The following PXYLP1 variants were observed in gnomAD, a reference collection of about 807,000 sequenced individuals.
PXYLP1 encodes acid phosphatase-like 2.
Under a neutral mutation model 37.9 loss-of-function variants are expected in PXYLP1, and 17 were observed. The ratio of observed to expected loss-of-function variants is 0.45; its 90% CI spans 0.31 to 0.67. The LOEUF is 0.67. PXYLP1 is among the 30% of genes least tolerant of loss of function. The pLI, the probability that PXYLP1 is intolerant of heterozygous loss-of-function variation, is 0.07. For missense variants in PXYLP1, 511 were observed against 612.0 expected (o/e 0.84, Z 1.74); for synonymous variants, 221 against 232.2 (o/e 0.95, Z 0.44).
At chr3:141,279,261 C>G in intron 3 of PXYLP1, 117 bp from the exon 4 acceptor site, 1 of 1,368,994 alleles carries the variant, frequency 7.3e-7, no homozygotes, top group South Asian at 1.4e-5. Context: ...ACGGTGGCCC[C>G]TGCTGCCTCC....
In PXYLP1 at chr3:141,294,799, T is replaced by G. The variant is rs2148855460; in HGVS notation, c.*1594T>G. On this transcript the variant is annotated 3_prime_UTR_variant, in exon 6 of 6. Coordinates refer to ENST00000286353, the MANE Select transcript of PXYLP1 (RefSeq NM_001037172.3). ...TAACTGCTGAAAGTTGTGTTATCTC[T>G]CAAGTATTCAAAGACTAAATGTGTT... 1 of 152,356 alleles carries G rather than the reference T, an allele frequency of 6.6e-6. No individual in the cohort carries two copies. The highest frequency in any genetic ancestry group is 2.1e-4 in the South Asian group (1 of 4,828). The allele number at this position is 152,356 out of a possible 1,614,324, so 9.4% of individuals were successfully genotyped here.
chr3:141,270,966 C>T (rs1329655712), intron 2 of PXYLP1, among the ~76,000 whole-genome samples: 2 of 152,196 alleles, frequency 1.3e-5, no homozygotes, highest in African/African-American at 2.4e-5. Flanking sequence ...TCAGGGCTCA[C>T]TGCAGCCCCG....
intron 2 of PXYLP1, among the ~76,000 whole-genome samples, chr3:141,277,870 T>C (rs181464517): frequency 8.0e-4 from 122 of 152,212 alleles, no homozygotes; most frequent in Non-Finnish European, 1.6e-3. Context: ...AGTGCTCTCA[T>C]GGGTTAGATG....
rs547821847 is a variant in PXYLP1 at position 141,237,047 on chromosome 3, G to A, written c.-54+5136G>A. ...ATCTCATTTGATTCAATAAGCCTGC[G>A]ATCTGCTTAGAGATGGGGAGATGGG... On this transcript the variant is annotated intron_variant, in intron 1 of 5. Transcript: ENST00000286353. Among the ~76,000 whole-genome samples, 48 of 152,220 alleles carry A rather than the reference G, an allele frequency of 3.2e-4. 1 individual carries two copies. Among genetic ancestry groups the A allele is most frequent in the Non-Finnish European group, 2.8e-4 (19 of 67,996 alleles).
Position 141,292,351 on chromosome 3 carries a change from G to T in PXYLP1, c.589G>T (p.Ala197Ser), listed in dbSNP as rs376085639. 5 of 1,614,022 alleles carry T rather than the reference G, an allele frequency of 3.1e-6. No individual in the cohort carries two copies. The highest frequency in any genetic ancestry group is 2.7e-5 in the African/African-American group (2 of 74,928). The change falls in exon 6 of 6, where the codon GCA (alanine) becomes TCA (serine). Residue 197 changes from alanine to serine, a missense_variant. Ala to Ser is a moderately conservative substitution (Grantham distance 99, BLOSUM62 1). Transcript: ENST00000286353. The surrounding 1 kb of genome is among the most constrained non-coding windows in gnomAD (Gnocchi z 4.3). ...CAAACTCCTGCCCAATGATTGGTCT[G>T]CAGACCAGCTCTATTTAGAGACCAC... Reference protein sequence around the residue: ...KHKLLPNDWSADQLYLETTGK... With the variant: ...KHKLLPNDWSSDQLYLETTGK...
chr3:141,287,481 G>C, intron 5 of PXYLP1, 28 bp downstream of exon 5: 4 of 1,605,754 alleles, frequency 2.5e-6, no homozygotes, highest in Non-Finnish European at 3.4e-6. Flanking sequence ...GCGCTCAGGG[G>C]TTCCCCCACC....
chr3:141,287,091 A>T (rs768757272), intron 4 of PXYLP1, among the ~76,000 whole-genome samples: 8 of 152,236 alleles, frequency 5.3e-5, no homozygotes, highest in Non-Finnish European at 8.8e-5. Flanking sequence ...TACTGAGTTC[A>T]GCAGAGGTTA....
chr3:141,244,632 T>C (rs887197810), intron 1 of PXYLP1, among the ~76,000 whole-genome samples: 3 of 150,104 alleles, frequency 2.0e-5, no homozygotes, highest in Admixed American at 6.7e-5. Flanking sequence ...TGTTTTTAAC[T>C]TGGCGATATT....
At chr3:141,238,628 G>A (rs1462254954) in intron 1 of PXYLP1, among the ~76,000 whole-genome samples, 4 of 152,126 alleles carry the variant, frequency 2.6e-5, no homozygotes, top group Non-Finnish European at 5.9e-5. Context: ...TAGGAGCACT[G>A]ATTCCCCCCA....
chr3:141,267,215 G>T (rs955512691), intron 2 of PXYLP1: 5 of 152,222 alleles, frequency 3.3e-5, no homozygotes, highest in African/African-American at 1.2e-4. Flanking sequence ...ACGTTCAGTG[G>T]AGAAAAGTAC....
chr3:141,268,914 C>T (rs1941597454), intron 2 of PXYLP1, among the ~76,000 whole-genome samples: 1 of 152,236 alleles, frequency 6.6e-6, no homozygotes, highest in Non-Finnish European at 1.5e-5. Flanking sequence ...CACATCTTGC[C>T]TCTCTTTGCC....
rs79896625 is a variant in PXYLP1 at position 141,292,036 on chromosome 3, G to A, written c.506-232G>A. Among the ~76,000 whole-genome samples, 186 of 152,366 alleles carry A rather than the reference G, an allele frequency of 1.2e-3. No individual in the cohort carries two copies. Among genetic ancestry groups the A allele is most frequent in the African/African-American group, 3.3e-3 (137 of 41,592 alleles). ...GTGCAAGGCAGATGGTCCAAAGGCC[G>A]TGGTTCTCAAGGCCAGGGCCCCGCT... On this transcript the variant is annotated intron_variant, in intron 5 of 5. Transcript: ENST00000286353. The surrounding 1 kb of genome is among the most constrained non-coding windows in gnomAD (Gnocchi z 4.3).
intron 2 of PXYLP1, among the ~76,000 whole-genome samples, chr3:141,271,523 T>C (rs1263367261): frequency 1.3e-5 from 2 of 152,134 alleles, no homozygotes; most frequent in African/African-American, 4.8e-5. Context: ...GTGGGGTGAC[T>C]TGTGTGGCAG....
intron 2 of PXYLP1, among the ~76,000 whole-genome samples, chr3:141,268,605 G>A (rs940279794): frequency 6.6e-6 from 1 of 152,192 alleles, no homozygotes; most frequent in African/African-American, 2.4e-5. Flanking sequence ...TGTACCAGCA[G>A]CCCCACCTCA....
rs923755026 is a variant in PXYLP1 at position 141,292,950 on chromosome 3, C to T, written c.1188C>T (p.Phe396=). 1 of 1,614,136 alleles carries T rather than the reference C, an allele frequency of 6.2e-7. No homozygotes were observed. Among genetic ancestry groups the T allele is most frequent in the East Asian group, 2.2e-5 (1 of 44,872 alleles). ...LSALGLSEAR[F]PRFAARLIFE... is the part of the protein sequence containing the mutation. ...CCTTGGGCCTTTCAGAAGCCAGGTTCCCAAGGTTTGCAGCCAGGTTGATCT... is the reference window on the plus strand; with the variant it reads ...CCTTGGGCCTTTCAGAAGCCAGGTTTCCAAGGTTTGCAGCCAGGTTGATCT... The change falls in exon 6 of 6, where the codon TTC becomes TTT. Residue 396 remains phenylalanine (F), a synonymous_variant. Coordinates refer to ENST00000286353, the MANE Select transcript of PXYLP1 (RefSeq NM_001037172.3). This position sits in a 1 kb window ranked among gnomAD's most constrained non-coding sequence, Gnocchi z 4.3.
intron 5 of PXYLP1, among the ~76,000 whole-genome samples, chr3:141,288,400 T>C (rs1237812971): frequency 1.3e-5 from 2 of 152,276 alleles, no homozygotes; most frequent in South Asian, 2.1e-4. Context: ...GGAAATGATA[T>C]TGGATAGACA....
intron 2 of PXYLP1, among the ~76,000 whole-genome samples, chr3:141,269,430 G>A (rs183821311): frequency 6.6e-6 from 1 of 152,188 alleles, no homozygotes; most frequent in East Asian, 1.9e-4. Flanking sequence ...TTATACTTTA[G>A]TGTTGAATGA....
At chr3:141,272,967 A>G (rs911780329) in intron 2 of PXYLP1, 1 of 984,284 alleles carries the variant, frequency 1.0e-6, no homozygotes, top group Non-Finnish European at 1.2e-6. Flanking sequence ...GACACCCAGT[A>G]TTAACCATCA....
intron 4 of PXYLP1, among the ~76,000 whole-genome samples, chr3:141,281,913 G>A (rs560898791): frequency 1.3e-5 from 2 of 152,236 alleles, no homozygotes; most frequent in East Asian, 1.9e-4. Flanking sequence ...CTGAGGCTTC[G>A]ATACCCAGCA....
Sources: gnomAD v4.1 joint callset for allele counts (sites outside exome capture counted in the v4.1 genomes callset) on GRCh38, gnomAD v4.1.1 for gene constraint, Gnocchi (gnomAD v3.1) non-coding constraint, MANE v1.5 for transcripts, NCBI Gene and HGNC (gene_info 2026-07-23, HGNC 2026-07-21) for gene names.